Variants in PDZD2 observed in about 807,000 individuals in gnomAD.
PDZD2 encodes PDZ domain-containing protein 2.
A neutral mutation model predicts 220.7 loss-of-function variants in PDZD2; 90 were observed. The ratio of observed to expected loss-of-function variants is 0.41; its 90% confidence interval spans 0.34 to 0.49. PDZD2 has a LOEUF of 0.49. Among genes scored for constraint, PDZD2 ranks in the 20% least tolerant of loss-of-function variants. PDZD2 has a pLI of 0.28. For missense variants in PDZD2, 3,174 were observed against 3,608.5 expected (o/e 0.88, Z 3.08); for synonymous variants, 1,375 against 1,450.5 (o/e 0.95, Z 1.18).
chr5:31,655,626 T>C (rs553528948), intron 1 of PDZD2, among the ~76,000 whole-genome samples: 6 of 152,256 alleles, frequency 3.9e-5, no homozygotes, highest in African/African-American at 1.4e-4. Context: ...GAACAATACT[T>C]GGCTTATAGC....
At chr5:31,649,972 T>C (rs1193888355) in intron 1 of PDZD2, among the ~76,000 whole-genome samples, 2 of 144,410 alleles carry the variant, frequency 1.4e-5, no homozygotes, top group African/African-American at 2.6e-5. Context: ...AAATTAAGTC[T>C]CAGGGCAAAT....
At chr5:31,960,562 A>G (rs1353032194) in intron 2 of PDZD2, among the ~76,000 whole-genome samples, 1 of 152,036 alleles carries the variant, frequency 6.6e-6, no homozygotes, top group African/African-American at 2.4e-5. Context: ...GTTAGAATTC[A>G]TAGTCCTAAC....
Position 32,077,607 on chromosome 5 carries a change from G to A in PDZD2, c.3682+1G>A. The A allele has an allele frequency of 6.2e-7, 1 of 1,613,996 alleles. No homozygotes were observed. The highest frequency in any genetic ancestry group is 8.5e-7 in the Non-Finnish European group (1 of 1,179,972). ...GAGCTGGGGCAACAACCCATGACTGGTAAGATTATTTTCCCATTTGTTAAT... is the reference window on the plus strand; with the variant it reads ...GAGCTGGGGCAACAACCCATGACTGATAAGATTATTTTCCCATTTGTTAAT... On this transcript the variant is annotated splice_donor_variant, in intron 19 of 24. Transcript: ENST00000438447. LOFTEE classifies it high-confidence loss of function.
chr5:31,777,366 C>A (rs2877218), intron 1 of PDZD2, among the ~76,000 whole-genome samples: 1 of 152,166 alleles, frequency 6.6e-6, no homozygotes, highest in Admixed American at 6.5e-5. Flanking sequence ...ACCTGCAGCC[C>A]GCCATGCCTG....
chr5:31,701,798 C>T (rs1271411647), intron 1 of PDZD2, among the ~76,000 whole-genome samples: 3 of 152,180 alleles, frequency 2.0e-5, no homozygotes, highest in Non-Finnish European at 2.9e-5. Context: ...GATGTGCAGG[C>T]GCCGACACAC....
intron 2 of PDZD2, among the ~76,000 whole-genome samples, chr5:31,813,632 A>G (rs1465659047): frequency 1.3e-5 from 2 of 152,210 alleles, no homozygotes; most frequent in Admixed American, 6.6e-5. Flanking sequence ...GTAAAAAGCT[A>G]CATACCAGTA....
chr5:31,808,080 T>C (rs1366394815), intron 2 of PDZD2, among the ~76,000 whole-genome samples: 3 of 152,050 alleles, frequency 2.0e-5, no homozygotes, highest in African/African-American at 7.2e-5. Context: ...GTGATGTAGG[T>C]AGGAGATGGT....
chr5:31,707,427 C>T (rs1348011377), intron 1 of PDZD2, among the ~76,000 whole-genome samples: 1 of 152,110 alleles, frequency 6.6e-6, no homozygotes, highest in Non-Finnish European at 1.5e-5. Context: ...AAAGGCACAG[C>T]AGGAAGTGAC....
chr5:31,829,691 T>G (rs902970649), intron 2 of PDZD2, among the ~76,000 whole-genome samples: 4 of 152,126 alleles, frequency 2.6e-5, no homozygotes, highest in Admixed American at 2.6e-4. Flanking sequence ...AGAGCCCTCC[T>G]TCTTACCTCT....
chr5:31,726,907 G>A lies in PDZD2; in HGVS notation c.-360-71982G>A, dbSNP rs1333994304. On this transcript the variant is annotated intron_variant, in intron 1 of 24. Transcript: ENST00000438447. ...CCTTGTAGTTCTGCAGGCTTTACAG[G>A]AAGCATGGTGCCAACATCTGCTCAG... Among the ~76,000 whole-genome samples the A allele has an allele frequency of 2.6e-5, 4 of 152,186 alleles. No individual in the cohort carries two copies. The East Asian group carries it at 7.7e-4, about 29-fold the overall frequency.
chr5:32,104,776 T>C (rs1273536449), intron 24 of PDZD2, among the ~76,000 whole-genome samples: 1 of 144,406 alleles, frequency 6.9e-6, no homozygotes. Context: ...ATGGCAAAAT[T>C]TATAAGCAAA....
In PDZD2 at chr5:31,706,842, CAAAAA is replaced by C. The variant is rs60622267; in HGVS notation, c.-361+67419_-361+67423del. ...CTGGCAACAGAGCGAGATTCCATCT[CAAAAA>C]AAAAAAAAAAAAAGCAATCCTGTCA... On this transcript the variant is annotated intron_variant, in intron 1 of 24. Coordinates refer to ENST00000438447, the MANE Select transcript of PDZD2 (RefSeq NM_178140.4). Among the ~76,000 whole-genome samples, 1,056 of 128,984 alleles carry C rather than the reference CAAAAA, an allele frequency of 8.2e-3. 22 individuals carry two copies. Among genetic ancestry groups the C allele is most frequent in the East Asian group, 0.06 (277 of 4,592 alleles). The allele number at this position is 128,984 out of a possible 152,430, so 84.6% of individuals were successfully genotyped here.
At chr5:31,803,807 G>A (rs969491063) in intron 2 of PDZD2, among the ~76,000 whole-genome samples, 1 of 152,080 alleles carries the variant, frequency 6.6e-6, no homozygotes, top group African/African-American at 2.4e-5. Context: ...AGGCCGAGAT[G>A]GCAAGATTGC....
intron 1 of PDZD2, among the ~76,000 whole-genome samples, chr5:31,660,926 G>T (rs1745738054): frequency 6.6e-6 from 1 of 152,112 alleles, no homozygotes; most frequent in South Asian, 2.1e-4. Context: ...TGGAGATGGG[G>T]TCTTGCTATA....
intron 6 of PDZD2, among the ~76,000 whole-genome samples, chr5:32,012,533 G>A (rs1038463657): frequency 1.3e-5 from 2 of 151,904 alleles, no homozygotes; most frequent in South Asian, 2.1e-4. Context: ...ACAGACGCAC[G>A]CCACCGCGCT....
chr5:32,041,467 T>C (rs1756142433), intron 7 of PDZD2, among the ~76,000 whole-genome samples: 1 of 152,036 alleles, frequency 6.6e-6, no homozygotes, highest in African/African-American at 2.4e-5. Flanking sequence ...GAAGTAGACA[T>C]AGGAGACTCC....
At chr5:31,737,206 G>GCT (rs1366983209) in intron 1 of PDZD2, among the ~76,000 whole-genome samples, 6 of 114,286 alleles carry the variant, frequency 5.2e-5, no homozygotes, top group Non-Finnish European at 8.1e-5. Flanking sequence ...ATGGAGTCTC[G>GCT]CTGTCTCCCA....
At chr5:32,020,641 T>TA (rs1754123525) in intron 6 of PDZD2, among the ~76,000 whole-genome samples, 1 of 16,572 alleles carries the variant, frequency 6.0e-5, no homozygotes, top group Non-Finnish European at 2.0e-4. Flanking sequence ...GACAAAATGA[T>TA]CTTTTTTTTT....
intron 6 of PDZD2, among the ~76,000 whole-genome samples, chr5:32,035,534 T>C (rs1304119630): frequency 6.6e-6 from 1 of 152,102 alleles, no homozygotes; most frequent in Admixed American, 6.5e-5. Context: ...GGTCTTGCGA[T>C]GTTGCCCAGG....
Sources: gnomAD v4.1 joint callset for allele counts (sites outside exome capture counted in the v4.1 genomes callset) on GRCh38, gnomAD v4.1.1 for gene constraint, MANE v1.5 for transcripts, NCBI Gene and HGNC (gene_info 2026-07-23, HGNC 2026-07-21) for gene names.